LEO1: variants seen among roughly 807,000 people sequenced by gnomAD.
LEO1 encodes the protein LEO1 component of Paf1/RNA polymerase II complex, also known as RNA polymerase-associated protein LEO1.
In LEO1, 34 loss-of-function variants were observed where a neutral mutation model predicts 80.4. That is an observed-to-expected ratio of 0.42 (90% CI 0.32 to 0.56). The LOEUF is 0.56. Ranked by LOEUF, LEO1 falls within the 20% of genes least tolerant of loss-of-function variation. The pLI, the probability that LEO1 is intolerant of heterozygous loss-of-function variation, is 0.10. For missense variants in LEO1, 631 were observed against 814.2 expected (o/e 0.77, Z 2.74); for synonymous variants, 262 against 274.9 (o/e 0.95, Z 0.46).
chr15:51,941,727 T>A (rs941685666), intron 11 of LEO1, among the ~76,000 whole-genome samples: 2 of 152,256 alleles, frequency 1.3e-5, no homozygotes, highest in Middle Eastern at 3.2e-3. Flanking sequence ...CTCTTTTACA[T>A]TTTTCTTCTT....
At chr15:51,942,279 TGAAA>T (rs2056859406) in intron 11 of LEO1, among the ~76,000 whole-genome samples, 1 of 152,122 alleles carries the variant, frequency 6.6e-6, no homozygotes, top group South Asian at 2.1e-4. Context: ...CAGGAAGACC[TGAAA>T]GAGAGTATTT....
Position 51,938,213 on chromosome 15 carries a change from T to C in LEO1, c.1944A>G (p.Ala648=). The part of the protein sequence containing the change: ...GKRKAEDDDK[A]NKKHKKYVIS... ...TCACATACTTCTTATGCTTTTTATT[T>C]GCTTTATCATCATCTTCTGCTTTTC... is the stretch of plus-strand genomic sequence containing the variant. Residue 648 remains alanine, a synonymous_variant, in exon 12 of 12, where the codon GCA becomes GCG. Transcript: ENST00000299601. 6.2e-7 allele frequency: 1 copy of C among 1,611,150 alleles called. No individual in the cohort carries two copies. Among genetic ancestry groups the C allele is most frequent in the Non-Finnish European group, 8.5e-7 (1 of 1,178,332 alleles).
Position 51,938,267 on chromosome 15 carries a change from A to AGAT in LEO1, c.1897-10_1897-8dup, listed in dbSNP as rs754453182. 8 of 1,512,618 alleles carry AGAT rather than the reference A, an allele frequency of 5.3e-6. No individual in the cohort carries two copies. In the African/African-American group the frequency reaches 1.1e-4, roughly 21 times the overall value. 93.7% of individuals were successfully genotyped at this position (1,512,618 alleles called of 1,614,324 possible). A position where few individuals can be genotyped will look rare whatever the true frequency, so the allele number is the denominator to read the frequency against. On this transcript the variant is annotated splice_polypyrimidine_tract_variant and splice_region_variant and intron_variant, in intron 11 of 11. Coordinates refer to ENST00000299601, the MANE Select transcript of LEO1 (RefSeq NM_138792.4). ...TTCCGGAAGGTTCACCTTCCTAAACAGATACAATTTTTACAAATCTACAAG... is the reference window on the plus strand; with the variant it reads ...TTCCGGAAGGTTCACCTTCCTAAACAGATGATACAATTTTTACAAATCTACAAG...
chr15:51,950,117 C>A, intron 9 of LEO1, 123 bp from the exon 10 acceptor site: 2 of 833,806 alleles, frequency 2.4e-6, no homozygotes, highest in Non-Finnish European at 3.6e-6. Context: ...CGTGTGTGTT[C>A]CCCATCCCAC....
At chr15:51,943,757 C>A in intron 11 of LEO1, among the ~76,000 whole-genome samples, 1 of 140,236 alleles carries the variant, frequency 7.1e-6, no homozygotes, top group Non-Finnish European at 1.5e-5. Flanking sequence ...GACAGAATAT[C>A]ACTAAAGTGA....
Position 51,938,827 on chromosome 15 carries a change from C to CAGAT in LEO1, c.1897-571_1897-568dup, listed in dbSNP as rs143082051. On this transcript the variant is annotated intron_variant, in intron 11 of 11. Coordinates refer to ENST00000299601, the MANE Select transcript of LEO1 (RefSeq NM_138792.4). ...GAAGTTACCTAAAAAACATTTTTTA[C>CAGAT]AGATAGATAGAATTTGAACATGTCA... is the stretch of plus-strand genomic sequence containing the variant. 7.3e-4 allele frequency among the ~76,000 whole-genome samples: 111 copies of CAGAT among 152,284 alleles called. 11 individuals carry two copies. In the East Asian group the frequency reaches 9.6e-3, roughly 13 times the overall value.
At chr15:51,958,533 C>T (rs1161916301) in intron 6 of LEO1, among the ~76,000 whole-genome samples, 1 of 152,040 alleles carries the variant, frequency 6.6e-6, no homozygotes, top group African/African-American at 2.4e-5. Flanking sequence ...GATAGCGTGA[C>T]CAGATGGTAT....
intron 11 of LEO1, among the ~76,000 whole-genome samples, chr15:51,942,530 C>T (rs900478800): frequency 2.0e-5 from 3 of 152,192 alleles, no homozygotes; most frequent in Admixed American, 2.0e-4. Flanking sequence ...ATAGCATCTG[C>T]TTAGATGAGG....
Position 51,962,502 on chromosome 15 carries a change from G to A in LEO1, c.815-9C>T, listed in dbSNP as rs1435719854. 6.3e-7 allele frequency: 1 copy of A among 1,577,636 alleles called. No individual in the cohort carries two copies. On this transcript the variant is annotated splice_polypyrimidine_tract_variant and intron_variant, in intron 2 of 11. Transcript: ENST00000299601. ...ACTGCCTCTTGCAGATTCTATAAGGGTAGAATTAGAAGTTCTGCATAATCA... is the reference window on the plus strand; with the variant it reads ...ACTGCCTCTTGCAGATTCTATAAGGATAGAATTAGAAGTTCTGCATAATCA...
At chr15:51,947,411 G>T in intron 10 of LEO1, 22 bp from the exon 11 acceptor site, 3 of 1,525,622 alleles carry the variant, frequency 2.0e-6, no homozygotes, top group Non-Finnish European at 2.7e-6. Flanking sequence ...AGTACAGATT[G>T]TGAGTCACCT....
chr15:51,940,943 C>T (rs950595172), intron 11 of LEO1, among the ~76,000 whole-genome samples: 1 of 151,834 alleles, frequency 6.6e-6, no homozygotes, highest in Non-Finnish European at 1.5e-5. Flanking sequence ...ACTAAAAATA[C>T]AAAAATTAGC....
intron 11 of LEO1, 180 bp downstream of exon 11, chr15:51,947,112 A>T (rs983666524): frequency 4.9e-6 from 3 of 610,874 alleles, no homozygotes; most frequent in Non-Finnish European, 8.7e-6. Flanking sequence ...GACCTCTCTA[A>T]GCACAGGTAT....
In LEO1 at chr15:51,949,898, G is replaced by A. The variant is rs745849848; in HGVS notation, c.1708C>T (p.Leu570=). 3.1e-6 allele frequency: 5 copies of A among 1,614,048 alleles called. No individual in the cohort carries two copies. Among genetic ancestry groups the A allele is most frequent in the South Asian group, 2.2e-5 (2 of 91,070 alleles). ...TCCTCATCGTATCGATCAGGTTCCA[G>A]GTAACTGGCGCTCAGCCCCCGCTGG... ...QHQRGLSASY[L]EPDRYDEEEE... is the part of the protein sequence containing the mutation. Residue 570 remains leucine (L), a synonymous_variant, in exon 10 of 12, where the codon CTG becomes TTG. Coordinates refer to ENST00000299601, the MANE Select transcript of LEO1 (RefSeq NM_138792.4).
At chr15:51,950,770 C>T (rs2056942955) in intron 9 of LEO1, among the ~76,000 whole-genome samples, 1 of 152,158 alleles carries the variant, frequency 6.6e-6, no homozygotes, top group Non-Finnish European at 1.5e-5. Context: ...GTCAGTAGTA[C>T]AGGGACTAAG....
chr15:51,963,403 G>A (rs1321134207), intron 2 of LEO1, among the ~76,000 whole-genome samples: 1 of 152,066 alleles, frequency 6.6e-6, no homozygotes, highest in Non-Finnish European at 1.5e-5. Flanking sequence ...AAAAGGAACT[G>A]ACAAATATAT....
At chr15:51,971,536 G>C in intron 1 of LEO1, 152 bp downstream of exon 1, 2 of 723,982 alleles carry the variant, frequency 2.8e-6, no homozygotes, top group Admixed American at 4.4e-5. Context: ...GCCCGCCGGA[G>C]GAGGATGGCA....
intron 11 of LEO1, chr15:51,947,088 A>C: frequency 1.8e-6 from 1 of 553,128 alleles, no homozygotes; most frequent in Non-Finnish European, 3.2e-6. Context: ...CTTATCCTCC[A>C]TGCAGCCTTC....
chr15:51,941,870 C>T (rs1338283872), intron 11 of LEO1, among the ~76,000 whole-genome samples: 1 of 152,176 alleles, frequency 6.6e-6, no homozygotes, highest in Non-Finnish European at 1.5e-5. Context: ...AGTATAAACT[C>T]CATTGATCAG....
rs367963739 is a variant in LEO1 at position 51,964,938 on chromosome 15, C to G, written c.814+811G>C. Among the ~76,000 whole-genome samples, 3 of 152,232 alleles carry G rather than the reference C, an allele frequency of 2.0e-5. No homozygotes were observed. In the East Asian group the frequency reaches 5.8e-4, roughly 29 times the overall value. ...CAATGATAAAAGCAGGTCCAGGAAC[C>G]AAAGTTCAGGTGTATGCCTCCTGTA... On this transcript the variant is annotated intron_variant, in intron 2 of 11. Coordinates refer to ENST00000299601, the MANE Select transcript of LEO1 (RefSeq NM_138792.4).
Sources: allele counts gnomAD v4.1 joint callset (sites outside exome capture counted in the v4.1 genomes callset), GRCh38; gene constraint gnomAD v4.1.1; transcripts MANE v1.5; gene names NCBI Gene and HGNC (gene_info 2026-07-23, HGNC 2026-07-21).